Variants in REG1A observed in about 807,000 individuals in gnomAD.
REG1A encodes regenerating family member 1 alpha.
Under a neutral mutation model 20.7 loss-of-function variants are expected in REG1A, and 20 were observed. The ratio of observed to expected loss-of-function variants is 0.97; its 90% CI spans 0.68 to 1.41. The LOEUF is 1.41. Ranked by LOEUF, REG1A falls within the 40% of genes most tolerant of loss-of-function variation. The probability of loss-of-function intolerance (pLI) is 0.00; values close to 1 mark genes in which losing one functional copy is unlikely to be tolerated. For synonymous variants in REG1A, 90 were observed against 71.6 expected (o/e 1.26, Z -1.30); for missense variants, 193 against 201.8 (o/e 0.96, Z 0.26).
Position 79,122,065 on chromosome 2 carries a change from G to A in REG1A, c.261G>A (p.Leu87=). The A allele has an allele frequency of 6.2e-7, 1 of 1,614,076 alleles. No homozygotes were observed. The highest frequency in any genetic ancestry group is 8.5e-7 in the Non-Finnish European group (1 of 1,180,004). The part of the protein sequence containing the change: ...TQAEGAFVAS[L]IKESGTDDFN... ...CCGAGGGTGCCTTTGTGGCCTCACT[G>A]ATTAAGGAGAGTGGCACTGATGACT... Residue 87 remains leucine, a synonymous_variant, in exon 4 of 6, where the codon CTG becomes CTA. Transcript: ENST00000233735.
chr2:79,120,561 A>G, intron 1 of REG1A, 47 bp downstream of exon 1: 1 of 309,260 alleles, frequency 3.2e-6, no homozygotes, highest in Non-Finnish European at 5.9e-6. Flanking sequence ...TGCACTGTAG[A>G]TCTAAAATCT....
chr2:79,121,720 G>A, intron 3 of REG1A, 40 bp downstream of exon 3: 1 of 1,579,162 alleles, frequency 6.3e-7, no homozygotes. Context: ...GACTCATGAA[G>A]GGAGGGGAAG....
chr2:79,123,297 C>A lies in REG1A; in HGVS notation c.*82C>A. 1 of 831,472 alleles carries A rather than the reference C, an allele frequency of 1.2e-6. No individual in the cohort carries two copies. The highest frequency in any genetic ancestry group is 2.6e-5 in the East Asian group (1 of 39,092). The allele number at this position is 831,472 out of a possible 1,614,324, so 51.5% of individuals were successfully genotyped here. On this transcript the variant is annotated 3_prime_UTR_variant, in exon 6 of 6. Coordinates refer to ENST00000233735, the MANE Select transcript of REG1A (RefSeq NM_002909.5). Reference sequence around the variant, plus strand: ...ATTAAACCGGACCATCTCTCCAACTCAACTCAACCTGGACACTCTCTTCTC... The same window carrying A: ...ATTAAACCGGACCATCTCTCCAACTAAACTCAACCTGGACACTCTCTTCTC...
chr2:79,123,069 T>C (rs140370608), intron 5 of REG1A, 79 bp from the exon 6 acceptor site: 1 of 1,453,876 alleles, frequency 6.9e-7, no homozygotes, highest in Admixed American at 1.7e-5. Context: ...GGATGTTTGG[T>C]TTTTGTCCTG....
Position 79,120,894 on chromosome 2 carries a change from C to T in REG1A, c.33C>T (p.Ile11=). The T allele has an allele frequency of 6.2e-7, 1 of 1,613,424 alleles. No homozygotes were observed. Residue 11 remains isoleucine (I), a synonymous_variant, in exon 2 of 6, where the codon ATC becomes ATT. Transcript: ENST00000233735. The part of the protein sequence containing the change: MAQTSSYFML[I]SCLMFLSQSQ... ...AGACCAGCTCATACTTCATGCTGATCTCCTGCCTGATGTTTCTGTCTCAGA... is the reference window on the plus strand; with the variant it reads ...AGACCAGCTCATACTTCATGCTGATTTCCTGCCTGATGTTTCTGTCTCAGA...
rs774808774 is a variant in REG1A, at chr2:79,121,548, C to T, written c.65-14C>T. The T allele has an allele frequency of 1.9e-6, 3 of 1,608,490 alleles. No individual in the cohort carries two copies. Among genetic ancestry groups the T allele is most frequent in the Admixed American group, 3.3e-5 (2 of 59,994 alleles). ...TACCCTGAGAGCCTCCTTTAATTGTCTCTTCTTTTTCAGGCCAAGAGGCCC... is the reference window on the plus strand; with the variant it reads ...TACCCTGAGAGCCTCCTTTAATTGTTTCTTCTTTTTCAGGCCAAGAGGCCC... On this transcript the variant is annotated splice_polypyrimidine_tract_variant and intron_variant, in intron 2 of 5. Transcript: ENST00000233735.
chr2:79,122,286 G>T (rs955231170), intron 4 of REG1A, 161 bp downstream of exon 4: 2 of 670,566 alleles, frequency 3.0e-6, no homozygotes, highest in Middle Eastern at 4.2e-4. Flanking sequence ...GTAGATGATT[G>T]GAGATATAAG....
At chr2:79,122,312 C>T in intron 4 of REG1A, 187 bp downstream of exon 4, 1 of 583,982 alleles carries the variant, frequency 1.7e-6, no homozygotes, top group Non-Finnish European at 2.9e-6. Context: ...GGCTGAATTT[C>T]CTAGGTGTTC....
In REG1A at chr2:79,120,576, G is replaced by A. The variant is rs74903273; in HGVS notation, c.-47+62G>A. On this transcript the variant is annotated intron_variant, in intron 1 of 5. Transcript: ENST00000233735. ...TGCACTGTAGATCTAAAATCTTCGG[G>A]AAGATACAGCATGAGTTTCTGTCCA... is the stretch of plus-strand genomic sequence containing the variant. 1,723 of 338,184 alleles carry A rather than the reference G, an allele frequency of 5.1e-3. 4 individuals carry two copies. The highest frequency in any genetic ancestry group is 6.4e-3 in the Non-Finnish European group (1,199 of 187,956). The allele number at this position is 338,184 out of a possible 1,614,324, so 20.9% of individuals were successfully genotyped here.
At chr2:79,121,915 G>GTATA in intron 3 of REG1A, 73 bp from the exon 4 acceptor site, 1 of 1,582,744 alleles carries the variant, frequency 6.3e-7, no homozygotes, top group East Asian at 2.2e-5. Context: ...TTTCTGACCC[G>GTATA]TCCTCTTGGA....
chr2:79,121,628 G>T lies in REG1A; in HGVS notation c.131G>T (p.Arg44Leu). Residue 44 changes from arginine to leucine, a missense_variant, in exon 3 of 6, where the codon CGC (arginine) becomes CTC (leucine). Transcript: ENST00000233735. The part of the protein sequence containing the change: ...ISCPEGTNAY[R>L]SYCYYFNEDR... ...TGCCCAGAAGGCACCAATGCCTATC[G>T]CTCCTACTGCTACTACTTTAATGAA... The T allele has an allele frequency of 6.2e-7, 1 of 1,614,002 alleles. No homozygotes were observed. The highest frequency in any genetic ancestry group is 8.5e-7 in the Non-Finnish European group (1 of 1,180,004).
Position 79,120,869 on chromosome 2 carries a change from A to C in REG1A, c.8A>C (p.Gln3Pro). 2 of 1,612,554 alleles carry C rather than the reference A, an allele frequency of 1.2e-6. No individual in the cohort carries two copies. The highest frequency in any genetic ancestry group is 1.7e-6 in the Non-Finnish European group (2 of 1,179,004). Reference sequence around the variant, plus strand: ...GATTCATTGCAGCTCAGCATGGCTCAGACCAGCTCATACTTCATGCTGATC... The same window carrying C: ...GATTCATTGCAGCTCAGCATGGCTCCGACCAGCTCATACTTCATGCTGATC... Reference protein sequence around the residue: MAQTSSYFMLISC... With the variant: MAPTSSYFMLISC... Residue 3 changes from glutamine (Q) to proline (P), a missense_variant, in exon 2 of 6, where the codon CAG becomes CCG. Gln to Pro is a moderately conservative substitution (Grantham distance 76, BLOSUM62 -1). Transcript: ENST00000233735.
At chr2:79,122,285 T>C in intron 4 of REG1A, 160 bp downstream of exon 4, 1 of 684,878 alleles carries the variant, frequency 1.5e-6, no homozygotes, top group Non-Finnish European at 2.4e-6. Context: ...TGTAGATGAT[T>C]GGAGATATAA....
intron 5 of REG1A, 58 bp downstream of exon 5, chr2:79,123,010 T>C: frequency 6.6e-7 from 1 of 1,514,722 alleles, no homozygotes; most frequent in Non-Finnish European, 9.2e-7. Context: ...GCTCCAGGGA[T>C]GGAACTGGGA....
At chr2:79,121,790 C>G (rs1338918386) in intron 3 of REG1A, 110 bp downstream of exon 3, 2 of 1,325,584 alleles carry the variant, frequency 1.5e-6, no homozygotes, top group African/African-American at 1.4e-5. Context: ...CCTTGCTATA[C>G]TATCATCAGC....
chr2:79,122,524 A>C (rs550801685), intron 4 of REG1A, among the ~76,000 whole-genome samples: 1 of 152,242 alleles, frequency 6.6e-6, no homozygotes, highest in South Asian at 2.1e-4. Context: ...ATAATATATC[A>C]ACAACTAATG....
chr2:79,122,980 T>C (rs1283335730), intron 5 of REG1A, 28 bp downstream of exon 5: 2 of 1,589,414 alleles, frequency 1.3e-6, no homozygotes, highest in Non-Finnish European at 8.6e-7. Flanking sequence ...CATCCACCTG[T>C]TTCTGTTCTC....
At position 79,123,325 on chromosome 2, in the gene REG1A, C is replaced by A. The variant is rs1323954965; in HGVS notation, c.*110C>A. On this transcript the variant is annotated 3_prime_UTR_variant, in exon 6 of 6. Coordinates refer to ENST00000233735, the MANE Select transcript of REG1A (RefSeq NM_002909.5). ...CTCAACCTGGACACTCTCTTCTCTG[C>A]TGAGTTTGCCTTGTTAATCTTCAAT... 3.2e-6 allele frequency: 2 copies of A among 632,554 alleles called. No homozygotes were observed. Among genetic ancestry groups the A allele is most frequent in the Non-Finnish European group, 5.5e-6 (2 of 360,942 alleles). The allele number at this position is 632,554 out of a possible 1,614,324, so 39.2% of individuals were successfully genotyped here. A position where few individuals can be genotyped will look rare whatever the true frequency, so the allele number is the denominator to read the frequency against.
chr2:79,120,637 C>T (rs1464650971), intron 1 of REG1A, 123 bp downstream of exon 1: 2 of 400,206 alleles, frequency 5.0e-6, no homozygotes, highest in Non-Finnish European at 8.8e-6. Context: ...CAGTGGGATC[C>T]AAAGTTGTTT....
Sources: gnomAD v4.1 joint callset for allele counts (sites outside exome capture counted in the v4.1 genomes callset) on GRCh38, gnomAD v4.1.1 for gene constraint, MANE v1.5 for transcripts, NCBI Gene and HGNC (gene_info 2026-07-23, HGNC 2026-07-21) for gene names.